Variants in RXRA observed in about 807,000 individuals in gnomAD.
RXRA encodes retinoic acid receptor RXR-alpha.
In RXRA, 5 loss-of-function variants were observed where a neutral mutation model predicts 44.5. The observed-to-expected ratio is 0.11, with a 90% confidence interval of 0.06 to 0.24. The LOEUF is 0.24. Ranked by LOEUF, RXRA falls within the 10% of genes least tolerant of loss-of-function variation. RXRA has a pLI of 1.00. For synonymous variants in RXRA, 291 were observed against 271.4 expected (o/e 1.07, Z -0.71); for missense variants, 412 against 646.5 (o/e 0.64, Z 3.93).
intron 7 of RXRA, among the ~76,000 whole-genome samples, chr9:134,430,000 C>T (rs1194864416): frequency 6.6e-6 from 1 of 152,198 alleles, no homozygotes; most frequent in Non-Finnish European, 1.5e-5. Flanking sequence ...ATTCTCCTGC[C>T]TCAGCCTCCC....
At chr9:134,373,504 T>A (rs1830515533) in intron 1 of RXRA, among the ~76,000 whole-genome samples, 1 of 152,264 alleles carries the variant, frequency 6.6e-6, no homozygotes, top group African/African-American at 2.4e-5. Context: ...TGTGCTGCGG[T>A]CCTTGGCCAC....
chr9:134,419,928 G>A (rs34848936), intron 5 of RXRA, among the ~76,000 whole-genome samples: 29 of 152,340 alleles, frequency 1.9e-4, no homozygotes, highest in African/African-American at 7.0e-4. Flanking sequence ...GTGGCCGGCT[G>A]TGCACACTGC....
In RXRA at chr9:134,336,198, G is replaced by A. The variant is rs1023354894; in HGVS notation, c.28+9539G>A. Among the ~76,000 whole-genome samples, 4 of 152,324 alleles carry A rather than the reference G, an allele frequency of 2.6e-5. No homozygotes were observed. The East Asian group carries it at 7.7e-4, about 29-fold the overall frequency. ...ACCACCGCACCATCCCGGGCCCAGT[G>A]GAGGGGTGAGGACTGGAAGGGCAGT... On this transcript the variant is annotated intron_variant, in intron 1 of 9. Coordinates refer to ENST00000481739, the MANE Select transcript of RXRA (RefSeq NM_002957.6).
chr9:134,404,890 A>AGAC (rs1300115015), intron 2 of RXRA: 2 of 152,378 alleles, frequency 1.3e-5, no homozygotes, highest in Admixed American at 1.3e-4. Context: ...GAGAGCCAAG[A>AGAC]GACGGGCAGG....
intron 1 of RXRA, among the ~76,000 whole-genome samples, chr9:134,348,725 C>T (rs1023697699): frequency 3.9e-5 from 6 of 152,254 alleles, no homozygotes; most frequent in African/African-American, 1.4e-4. Flanking sequence ...CATCCATCCG[C>T]TGTCAAAGGC....
intron 1 of RXRA, among the ~76,000 whole-genome samples, chr9:134,389,438 G>A (rs1015472102): frequency 2.0e-5 from 3 of 152,174 alleles, no homozygotes; most frequent in South Asian, 2.1e-4. Context: ...CGGGCTGGGG[G>A]CTTTGGACTT....
intron 1 of RXRA, among the ~76,000 whole-genome samples, chr9:134,391,572 G>C (rs1228885473): frequency 6.6e-6 from 1 of 152,208 alleles, no homozygotes; most frequent in East Asian, 1.9e-4. Flanking sequence ...TCGAAGGTCT[G>C]GCCCTGTGGT....
At chr9:134,432,922 C>T (rs181510665) in intron 8 of RXRA, among the ~76,000 whole-genome samples, 18 of 152,168 alleles carry the variant, frequency 1.2e-4, no homozygotes, top group African/African-American at 3.9e-4. Context: ...GGGTTCCAGC[C>T]GGGAGGGAGC....
chr9:134,375,485 A>C (rs1031786547), intron 1 of RXRA, among the ~76,000 whole-genome samples: 7 of 152,108 alleles, frequency 4.6e-5, no homozygotes, highest in Non-Finnish European at 5.9e-5. Flanking sequence ...TGGGCAGGGG[A>C]TTCCAGGCAG....
intron 4 of RXRA, among the ~76,000 whole-genome samples, chr9:134,411,074 G>C (rs867843671): frequency 3.3e-5 from 5 of 152,164 alleles, no homozygotes; most frequent in Non-Finnish European, 5.9e-5. Flanking sequence ...AAAAGGTGTC[G>C]GCACCACAGG....
chr9:134,337,149 A>G (rs1175402645), intron 1 of RXRA, among the ~76,000 whole-genome samples: 1 of 152,184 alleles, frequency 6.6e-6, no homozygotes, highest in Non-Finnish European at 1.5e-5. Context: ...TCCCAGATCG[A>G]GAGAGGGAGG....
Position 134,342,230 on chromosome 9 carries a change from C to T in RXRA, c.28+15571C>T, listed in dbSNP as rs1233901069. On this transcript the variant is annotated intron_variant, in intron 1 of 9. Transcript: ENST00000481739. The surrounding 1 kb of genome is among the most constrained non-coding windows in gnomAD (Gnocchi z 4.4). ...TGTGGATCCCAGGCCAGAGTGAGGG[C>T]AGGGGCGGGGGTCCGGGTCGAGGAC... is the stretch of plus-strand genomic sequence containing the variant. 1.3e-5 allele frequency among the ~76,000 whole-genome samples: 2 copies of T among 152,130 alleles called. No homozygotes were observed. Among genetic ancestry groups the T allele is most frequent in the African/African-American group, 4.8e-5 (2 of 41,418 alleles).
chr9:134,332,742 G>A (rs1189724165), intron 1 of RXRA, among the ~76,000 whole-genome samples: 2 of 152,166 alleles, frequency 1.3e-5, no homozygotes, highest in African/African-American at 4.8e-5. Flanking sequence ...GAGGCCACCA[G>A]TGCTGTGCAG....
rs750960235 is a variant in RXRA at position 134,408,274 on chromosome 9, C to T, written c.405C>T (p.Cys135=). The T allele has an allele frequency of 8.7e-5, 140 of 1,610,056 alleles. No homozygotes were observed. Among genetic ancestry groups the T allele is most frequent in the Middle Eastern group, 1.6e-4 (1 of 6,066 alleles). The change falls in exon 3 of 10, where the codon TGC becomes TGT. Residue 135 remains cysteine (C), a synonymous_variant. Coordinates refer to ENST00000481739, the MANE Select transcript of RXRA (RefSeq NM_002957.6). ...TGGCTTCCTTCACCAAGCACATCTG[C>T]GCCATCTGCGGGGACCGCTCCTCAG... ...GNMASFTKHI[C]AICGDRSSGK... is the part of the protein sequence containing the mutation.
At chr9:134,374,546 A>AC (rs1330444291) in intron 1 of RXRA, among the ~76,000 whole-genome samples, 2 of 150,906 alleles carry the variant, frequency 1.3e-5, no homozygotes, top group African/African-American at 4.9e-5. Context: ...CCCCCGGGGC[A>AC]CCCCCCGCCT....
chr9:134,344,249 T>C (rs1830121798), intron 1 of RXRA, among the ~76,000 whole-genome samples: 1 of 152,070 alleles, frequency 6.6e-6, no homozygotes. Context: ...GGCACCGGCA[T>C]GTGCGGAGGC....
At chr9:134,361,770 G>T (rs934326137) in intron 1 of RXRA, among the ~76,000 whole-genome samples, 6 of 152,298 alleles carry the variant, frequency 3.9e-5, no homozygotes, top group Non-Finnish European at 7.4e-5. Context: ...CCACCTGCCT[G>T]TGTGACTGGG....
chr9:134,366,509 C>A lies in RXRA; in HGVS notation c.29-35123C>A, dbSNP rs905743960. Among the ~76,000 whole-genome samples, 4 of 152,210 alleles carry A rather than the reference C, an allele frequency of 2.6e-5. No individual in the cohort carries two copies. The highest frequency in any genetic ancestry group is 5.9e-5 in the Non-Finnish European group (4 of 68,026). ...CGGCGAGCTCCTGGCGGGAGTCCCC[C>A]TCCCCAGCAGCCACCCCGTGCCATG... On this transcript the variant is annotated intron_variant, in intron 1 of 9. Transcript: ENST00000481739. The surrounding 1 kb of genome is among the most constrained non-coding windows in gnomAD (Gnocchi z 5.9).
rs755323446 is a variant in RXRA, at chr9:134,439,864, T to C, written c.*3250T>C. 2 of 152,374 alleles carry C rather than the reference T, an allele frequency of 1.3e-5. No homozygotes were observed. Among genetic ancestry groups the C allele is most frequent in the Admixed American group, 6.5e-5 (1 of 15,288 alleles). 9.4% of individuals were successfully genotyped at this position (152,374 alleles called of 1,614,324 possible). Reference sequence around the variant, plus strand: ...TCCCCTGTTTTCCTATAAATTTGCTTCGTGTAAGCAAGTACATAAGGACCC... The same window carrying C: ...TCCCCTGTTTTCCTATAAATTTGCTCCGTGTAAGCAAGTACATAAGGACCC... On this transcript the variant is annotated 3_prime_UTR_variant, in exon 10 of 10. Transcript: ENST00000481739.
Sources: gnomAD v4.1 joint callset for allele counts (sites outside exome capture counted in the v4.1 genomes callset) on GRCh38, gnomAD v4.1.1 for gene constraint, Gnocchi (gnomAD v3.1) non-coding constraint, MANE v1.5 for transcripts, NCBI Gene and HGNC (gene_info 2026-07-23, HGNC 2026-07-21) for gene names.